Variants in OLFM3 observed in about 807,000 individuals in gnomAD.
OLFM3 encodes olfactomedin 3, also known as noelin-3.
A neutral mutation model predicts 48.6 loss-of-function variants in OLFM3; 20 were observed. The ratio of observed to expected loss-of-function variants is 0.41; its 90% confidence interval spans 0.29 to 0.60. OLFM3 has a LOEUF of 0.60. OLFM3 is among the 20% of genes least tolerant of loss of function. The probability of loss-of-function intolerance (pLI) is 0.28; values close to 1 mark genes in which losing one functional copy is unlikely to be tolerated. For synonymous variants in OLFM3, 222 were observed against 198.1 expected (o/e 1.12, Z -1.01); for missense variants, 437 against 544.3 (o/e 0.80, Z 1.96).
chr1:101,881,980 C>T (rs1657545283), intron 1 of OLFM3, among the ~76,000 whole-genome samples: 1 of 151,592 alleles, frequency 6.6e-6, no homozygotes, highest in Non-Finnish European at 1.5e-5. Context: ...ATCTACAGAT[C>T]TGTTTTGTAC....
intron 1 of OLFM3, among the ~76,000 whole-genome samples, chr1:101,892,469 TA>T (rs1658040339): frequency 6.6e-6 from 1 of 152,074 alleles, no homozygotes. Context: ...TAATTCCTTT[TA>T]CAAAAATTAA....
At chr1:101,865,624 A>G (rs1424471998) in intron 1 of OLFM3, among the ~76,000 whole-genome samples, 1 of 152,184 alleles carries the variant, frequency 6.6e-6, no homozygotes, top group Admixed American at 6.5e-5. Flanking sequence ...CCAATGTACC[A>G]TATAACCACT....
Position 101,946,210 on chromosome 1 carries a change from C to T in OLFM3, c.69+50538G>A, listed in dbSNP as rs912544898. ...CTTAGACATTTCTCTAATCAGAATC[C>T]AATTTGATTCAATATCTGTCAAATG... On this transcript the variant is annotated intron_variant, in intron 1 of 5. Coordinates refer to ENST00000370103, the MANE Select transcript of OLFM3 (RefSeq NM_058170.4). Among the ~76,000 whole-genome samples, 16 of 151,526 alleles carry T rather than the reference C, an allele frequency of 1.1e-4. No individual in the cohort carries two copies. The East Asian group carries it at 2.9e-3, about 28-fold the overall frequency.
At chr1:101,969,974 C>T (rs1660734864) in intron 1 of OLFM3, among the ~76,000 whole-genome samples, 1 of 152,072 alleles carries the variant, frequency 6.6e-6, no homozygotes, top group South Asian at 2.1e-4. Context: ...TCCCCTAGGT[C>T]CCCTCATGCC....
At chr1:101,959,807 T>C (rs188577313) in intron 1 of OLFM3, among the ~76,000 whole-genome samples, 220 of 152,304 alleles carry the variant, frequency 1.4e-3, no homozygotes, top group African/African-American at 5.0e-3. Flanking sequence ...AGGTTGCTGA[T>C]ATGTCAACCA....
chr1:101,970,688 A>G (rs576460859), intron 1 of OLFM3, among the ~76,000 whole-genome samples: 59 of 152,210 alleles, frequency 3.9e-4, no homozygotes, highest in Non-Finnish European at 7.3e-4. Flanking sequence ...TAGGAAAATC[A>G]TAATATAATT....
At chr1:101,965,597 C>G (rs940195828) in intron 1 of OLFM3, among the ~76,000 whole-genome samples, 1 of 152,118 alleles carries the variant, frequency 6.6e-6, no homozygotes, top group Non-Finnish European at 1.5e-5. Flanking sequence ...GGTATCAAAC[C>G]AAGAACCATA....
At chr1:101,939,801 T>A (rs1659731237) in intron 1 of OLFM3, among the ~76,000 whole-genome samples, 1 of 152,178 alleles carries the variant, frequency 6.6e-6, no homozygotes, top group Non-Finnish European at 1.5e-5. Flanking sequence ...GGAAGTCTTT[T>A]GTTTTTGCTT....
chr1:101,946,476 A>C (rs544024922), intron 1 of OLFM3, among the ~76,000 whole-genome samples: 3 of 152,336 alleles, frequency 2.0e-5, no homozygotes, highest in African/African-American at 7.2e-5. Flanking sequence ...TAAATTATTT[A>C]AAACTTCCTA....
intron 1 of OLFM3, among the ~76,000 whole-genome samples, chr1:101,868,926 G>A (rs1009585953): frequency 1.3e-5 from 2 of 152,254 alleles, no homozygotes; most frequent in African/African-American, 2.4e-5. Flanking sequence ...GGGCCTGTGT[G>A]TGCACAGAAG....
chr1:101,956,086 G>GTTGTTTTT (rs1553183027), intron 1 of OLFM3, among the ~76,000 whole-genome samples: 2 of 105,054 alleles, frequency 1.9e-5, no homozygotes, highest in African/African-American at 7.8e-5. Context: ...ACAATAACAG[G>GTTGTTTTT]TTTTTTTTTT....
At chr1:101,867,774 A>C (rs986612966) in intron 1 of OLFM3, among the ~76,000 whole-genome samples, 3 of 152,220 alleles carry the variant, frequency 2.0e-5, no homozygotes, top group Non-Finnish European at 4.4e-5. Flanking sequence ...TAAAGTCAGC[A>C]TGAGGGTTAT....
At chr1:101,821,275 CT>C (rs1362956641) in intron 4 of OLFM3, among the ~76,000 whole-genome samples, 4 of 151,992 alleles carry the variant, frequency 2.6e-5, no homozygotes, top group Non-Finnish European at 4.4e-5. Flanking sequence ...CTATAACCTA[CT>C]GCTATACTAA....
chr1:101,819,107 T>C (rs1226213531), intron 4 of OLFM3, among the ~76,000 whole-genome samples: 1 of 152,058 alleles, frequency 6.6e-6, no homozygotes, highest in Non-Finnish European at 1.5e-5. Flanking sequence ...TGGGAGACCA[T>C]GCCAGGGGAC....
At chr1:101,892,431 C>T (rs17125667) in intron 1 of OLFM3, among the ~76,000 whole-genome samples, 40,987 of 151,864 alleles carry the variant, frequency 0.27, 5,733 homozygotes, top group East Asian at 0.36. Context: ...TTGAGATTTG[C>T]GCATGTATCT....
At chr1:101,985,012 A>G (rs1327495540) in intron 1 of OLFM3, among the ~76,000 whole-genome samples, 1 of 152,244 alleles carries the variant, frequency 6.6e-6, no homozygotes, top group Non-Finnish European at 1.5e-5. Flanking sequence ...AACTGTCAGC[A>G]GGGCTGCATT....
chr1:101,883,554 A>C (rs1218750014), intron 1 of OLFM3, among the ~76,000 whole-genome samples: 2 of 151,808 alleles, frequency 1.3e-5, no homozygotes, highest in Non-Finnish European at 1.5e-5. Flanking sequence ...ACATACCCTT[A>C]ATGTCCTTGA....
At chr1:101,941,854 T>A (rs1038981378) in intron 1 of OLFM3, among the ~76,000 whole-genome samples, 1 of 152,014 alleles carries the variant, frequency 6.6e-6, no homozygotes, top group Non-Finnish European at 1.5e-5. Flanking sequence ...TCAGAAAGAG[T>A]TATCAGATAG....
intron 1 of OLFM3, among the ~76,000 whole-genome samples, chr1:101,913,110 T>C (rs187931076): frequency 1.0e-3 from 154 of 152,342 alleles, no homozygotes; most frequent in Admixed American, 6.7e-3. Context: ...TCTAAAGCAG[T>C]GCTCCATGTT....
Sources: allele counts gnomAD v4.1 joint callset (sites outside exome capture counted in the v4.1 genomes callset), GRCh38; gene constraint gnomAD v4.1.1; transcripts MANE v1.5; gene names NCBI Gene and HGNC (gene_info 2026-07-23, HGNC 2026-07-21).